The following PYROXD2 variants were observed in gnomAD, a reference collection of about 807,000 sequenced individuals.
PYROXD2 encodes the protein pyridine nucleotide-disulphide oxidoreductase domain 2.
In PYROXD2, 69 loss-of-function variants were observed where a neutral mutation model predicts 71.1. That is an observed-to-expected ratio of 0.97 (90% confidence interval 0.80 to 1.19). PYROXD2 has a LOEUF of 1.19. Among genes scored for constraint, PYROXD2 ranks in the 50% most tolerant of loss-of-function variants. The probability of loss-of-function intolerance (pLI) is 0.00; values close to 1 mark genes in which losing one functional copy is unlikely to be tolerated. For synonymous variants in PYROXD2, 287 were observed against 302.7 expected (o/e 0.95, Z 0.54); for missense variants, 745 against 748.9 (o/e 0.99, Z 0.06).
chr10:98,411,234 T>C (rs2136037532), intron 1 of PYROXD2: 1 of 476,402 alleles, frequency 2.1e-6, no homozygotes, highest in Non-Finnish European at 3.7e-6. Flanking sequence ...AGTGAGGGGC[T>C]CATGAGAGCA....
At chr10:98,388,658 C>G (rs2274249) in intron 12 of PYROXD2, 150 bp from the exon 13 acceptor site, 1 of 926,234 alleles carries the variant, frequency 1.1e-6, no homozygotes, top group East Asian at 2.8e-5. Context: ...TCCACCTGCA[C>G]GGGCTTAGCG....
intron 6 of PYROXD2, among the ~76,000 whole-genome samples, chr10:98,396,636 TG>T (rs941613996): frequency 1.3e-5 from 2 of 152,170 alleles, no homozygotes; most frequent in African/African-American, 4.8e-5. Context: ...TCTTCCTGTA[TG>T]GGGGCAGCTC....
At position 98,397,361 on chromosome 10, in the gene PYROXD2, C is replaced by A. The variant is rs370758666; in HGVS notation, c.609G>T (p.Lys203Asn). 2.8e-5 allele frequency: 45 copies of A among 1,606,042 alleles called. No homozygotes were observed. The highest frequency in any genetic ancestry group is 1.7e-4 in the Middle Eastern group (1 of 6,040). Residue 203 changes from lysine to asparagine, a missense_variant, in exon 6 of 16, where the codon AAG (lysine) becomes AAT (asparagine). Lys to Asn is a moderately conservative substitution (Grantham distance 94, BLOSUM62 0). Coordinates refer to ENST00000370575, the MANE Select transcript of PYROXD2 (RefSeq NM_032709.3). ...LQRMRSLSTL[K>N]PLLKAGRILG... Reference sequence around the variant, plus strand: ...TGGACTTACCTGCCTTCAGCAGGGGCTTGAGGGTGGAGAGCGACCTCATCC... The same window carrying A: ...TGGACTTACCTGCCTTCAGCAGGGGATTGAGGGTGGAGAGCGACCTCATCC...
intron 4 of PYROXD2, among the ~76,000 whole-genome samples, chr10:98,404,350 G>T (rs1843521686): frequency 6.6e-6 from 1 of 152,150 alleles, no homozygotes; most frequent in South Asian, 2.1e-4. Flanking sequence ...CTGTGCTGGA[G>T]ACTGTGAGCA....
chr10:98,399,762 C>T (rs1231516858), intron 5 of PYROXD2, among the ~76,000 whole-genome samples: 3 of 152,232 alleles, frequency 2.0e-5, no homozygotes, highest in Non-Finnish European at 4.4e-5. Context: ...TGGAACTCTG[C>T]CTGAAAGCTG....
intron 4 of PYROXD2, among the ~76,000 whole-genome samples, chr10:98,406,314 T>TC (rs754502992): frequency 1.3e-5 from 2 of 152,338 alleles, no homozygotes; most frequent in Non-Finnish European, 2.9e-5. Context: ...ATTCTTAGTC[T>TC]CTTAAATCAG....
intron 14 of PYROXD2, among the ~76,000 whole-genome samples, chr10:98,385,704 C>G (rs182849634): frequency 6.6e-6 from 1 of 152,180 alleles, no homozygotes; most frequent in Non-Finnish European, 1.5e-5. Context: ...CCTCTTCCCT[C>G]GAGTCTGCTC....
chr10:98,405,232 C>G (rs4475861), intron 4 of PYROXD2, among the ~76,000 whole-genome samples: 1 of 151,958 alleles, frequency 6.6e-6, no homozygotes, highest in South Asian at 2.1e-4. Flanking sequence ...AGTCAGTGCT[C>G]GCATTGACAG....
At position 98,384,841 on chromosome 10, in the gene PYROXD2, C is replaced by T. The variant is rs188801559; in HGVS notation, c.1675+106G>A. 109 of 1,428,328 alleles carry T rather than the reference C, an allele frequency of 7.6e-5. No individual in the cohort carries two copies. The African/African-American group carries it at 1.2e-3, about 16-fold the overall frequency. The allele number at this position is 1,428,328 out of a possible 1,614,324, so 88.5% of individuals were successfully genotyped here. On this transcript the variant is annotated intron_variant, in intron 15 of 15. Transcript: ENST00000370575. ...CTTATGTTGGGAGTTCCCTGCTCCC[C>T]TCCCTCTCTGCCACCTTCATTGCTT... is the stretch of plus-strand genomic sequence containing the variant.
At chr10:98,392,348 C>T in intron 10 of PYROXD2, 84 bp downstream of exon 10, 1 of 1,553,232 alleles carries the variant, frequency 6.4e-7, no homozygotes. Context: ...CACCCTGATG[C>T]AATCCTGGCT....
At chr10:98,388,966 T>C (rs1256661077) in intron 12 of PYROXD2, among the ~76,000 whole-genome samples, 2 of 152,114 alleles carry the variant, frequency 1.3e-5, no homozygotes, top group Non-Finnish European at 2.9e-5. Context: ...AGCTGTGACC[T>C]GCTTCCCACC....
At chr10:98,404,377 C>A (rs1395547300) in intron 4 of PYROXD2, among the ~76,000 whole-genome samples, 2 of 152,040 alleles carry the variant, frequency 1.3e-5, no homozygotes, top group South Asian at 2.1e-4. Flanking sequence ...AGCTCGGGAG[C>A]CTGATTCATT....
intron 4 of PYROXD2, among the ~76,000 whole-genome samples, chr10:98,401,979 C>T (rs974803493): frequency 4.6e-5 from 7 of 152,312 alleles, no homozygotes; most frequent in South Asian, 4.1e-4. Context: ...GTGACAAAGT[C>T]ATTTACTATC....
intron 12 of PYROXD2, 126 bp from the exon 13 acceptor site, chr10:98,388,634 A>C: frequency 6.4e-6 from 7 of 1,101,256 alleles, no homozygotes; most frequent in Non-Finnish European, 8.7e-6. Flanking sequence ...GTCGCTCTAC[A>C]GCCACAGTGG....
At chr10:98,384,181 G>A (rs547269607) in intron 15 of PYROXD2, among the ~76,000 whole-genome samples, 1 of 152,186 alleles carries the variant, frequency 6.6e-6, no homozygotes, top group East Asian at 1.9e-4. Flanking sequence ...GGGGGAGGGG[G>A]AAGATGTGTA....
intron 4 of PYROXD2, among the ~76,000 whole-genome samples, chr10:98,406,629 A>G (rs1843605320): frequency 6.6e-6 from 1 of 151,500 alleles, no homozygotes; most frequent in Non-Finnish European, 1.5e-5. Flanking sequence ...GCGGTGGCTC[A>G]CGCCTGTTAA....
At position 98,390,755 on chromosome 10, in the gene PYROXD2, C is replaced by T; in HGVS notation, c.1136-1G>A. ...AAGCTGGGCAGCCTGTCTACGGCCA[C>T]TGAGGGACCAAAGAGGAGGGTCAGG... On this transcript the variant is annotated splice_acceptor_variant, in intron 11 of 15. Coordinates refer to ENST00000370575, the MANE Select transcript of PYROXD2 (RefSeq NM_032709.3). LOFTEE classifies it high-confidence loss of function. The T allele has an allele frequency of 6.3e-7, 1 of 1,584,390 alleles. No individual in the cohort carries two copies. The highest frequency in any genetic ancestry group is 8.6e-7 in the Non-Finnish European group (1 of 1,164,810).
intron 4 of PYROXD2, among the ~76,000 whole-genome samples, chr10:98,401,926 C>A (rs1219625925): frequency 6.6e-6 from 1 of 152,138 alleles, no homozygotes; most frequent in Non-Finnish European, 1.5e-5. Flanking sequence ...GGAATACTCT[C>A]TAAAATAATA....
chr10:98,412,110 C>A (rs926052132), intron 1 of PYROXD2, among the ~76,000 whole-genome samples: 8 of 152,234 alleles, frequency 5.3e-5, no homozygotes, highest in Non-Finnish European at 8.8e-5. Flanking sequence ...GCCAGGGACC[C>A]TGCAGTGTGG....
Sources: allele counts gnomAD v4.1 joint callset (sites outside exome capture counted in the v4.1 genomes callset), GRCh38; gene constraint gnomAD v4.1.1; transcripts MANE v1.5; gene names NCBI Gene and HGNC (gene_info 2026-07-23, HGNC 2026-07-21).